Variants in FAM120A observed in about 807,000 individuals in gnomAD.
The protein encoded by FAM120A is constitutive coactivator of PPAR-gamma-like protein 1.
In FAM120A, 15 loss-of-function variants were observed where a neutral mutation model predicts 109.7. The ratio of observed to expected loss-of-function variants is 0.14; its 90% CI spans 0.09 to 0.21. The LOEUF is 0.21. Ranked by LOEUF, FAM120A falls within the 10% of genes least tolerant of loss-of-function variation. The pLI is 1.00. For synonymous variants in FAM120A, 493 were observed against 572.8 expected, an observed-to-expected ratio of 0.86 and a Z score of 1.99; for missense variants, 899 against 1,439.3, an observed-to-expected ratio of 0.62 and a Z score of 6.07.
Position 93,557,942 on chromosome 9 carries a change from C to A in FAM120A, c.2600C>A (p.Pro867His), listed in dbSNP as rs767124058. The change falls in exon 14 of 18, where the codon CCT becomes CAT. Residue 867 changes from proline to histidine, a missense_variant. Pro to His is a moderately conservative substitution (Grantham distance 77). Around this residue, in one of 11 missense-constraint regions of FAM120A, gnomAD observed 129 missense variants for 153.4 expected, o/e 0.84. Transcript: ENST00000277165. ...FPPPPALPFY[P>H]ASAYPRHFGP... ...CCGCCACCTGCCCTGCCCTTCTACC[C>A]TGCCTCTGCGTACCCCCGGCACTTT... 6.2e-7 allele frequency: 1 copy of A among 1,607,888 alleles called. No homozygotes were observed. Among genetic ancestry groups the A allele is most frequent in the African/African-American group, 1.3e-5 (1 of 75,064 alleles).
chr9:93,463,679 A>G (rs10512226), intron 1 of FAM120A, among the ~76,000 whole-genome samples: 9,639 of 152,242 alleles, frequency 0.063, 451 homozygotes, highest in African/African-American at 0.13. Context: ...AGGTGGACCT[A>G]TACGCTCTTA....
At chr9:93,458,104 T>C (rs1857633442) in intron 1 of FAM120A, among the ~76,000 whole-genome samples, 1 of 152,120 alleles carries the variant, frequency 6.6e-6, no homozygotes, top group Admixed American at 6.5e-5. Flanking sequence ...TACATTCTTA[T>C]ATATTATTTA....
chr9:93,457,949 C>G (rs922222904), intron 1 of FAM120A, among the ~76,000 whole-genome samples: 34 of 152,124 alleles, frequency 2.2e-4, no homozygotes, highest in Non-Finnish European at 4.0e-4. Context: ...CCACAATCCT[C>G]TTGGCCACTT....
intron 12 of FAM120A, among the ~76,000 whole-genome samples, chr9:93,554,882 C>T (rs1173349160): frequency 6.6e-6 from 1 of 152,176 alleles, no homozygotes; most frequent in African/African-American, 2.4e-5. Flanking sequence ...GCAGCGGAGC[C>T]CCACCTGACT....
chr9:93,533,266 G>C lies in FAM120A; in HGVS notation c.1909+937G>C, dbSNP rs952465686. 1.7e-4 allele frequency among the ~76,000 whole-genome samples: 26 copies of C among 152,302 alleles called. 1 individual carries two copies. Among genetic ancestry groups the C allele is most frequent in the Admixed American group, 9.1e-4 (14 of 15,308 alleles). ...CAGCACTGACTGTGTGCAGTGCTGA[G>C]CTTTGGAACTTTAACCTAAGTTCAT... On this transcript the variant is annotated intron_variant, in intron 10 of 17. Coordinates refer to ENST00000277165, the MANE Select transcript of FAM120A (RefSeq NM_014612.5).
At chr9:93,490,300 G>A (rs1859257798) in intron 3 of FAM120A, among the ~76,000 whole-genome samples, 1 of 152,156 alleles carries the variant, frequency 6.6e-6, no homozygotes, top group African/African-American at 2.4e-5. Flanking sequence ...GACACTTTGG[G>A]AGCAGTGGCA....
chr9:93,529,231 C>G, intron 8 of FAM120A, 122 bp from the exon 9 acceptor site: 3 of 864,726 alleles, frequency 3.5e-6, no homozygotes, highest in Non-Finnish European at 5.2e-6. Flanking sequence ...TCTGGTCTCT[C>G]TAAGACAGGA....
chr9:93,488,581 G>A (rs1859172206), intron 3 of FAM120A, among the ~76,000 whole-genome samples: 1 of 152,050 alleles, frequency 6.6e-6, no homozygotes, highest in Non-Finnish European at 1.5e-5. Context: ...TCTCCGCCCA[G>A]TCCTCTCTAC....
At chr9:93,559,255 C>A (rs556391431) in intron 15 of FAM120A, among the ~76,000 whole-genome samples, 1 of 152,310 alleles carries the variant, frequency 6.6e-6, no homozygotes, top group Non-Finnish European at 1.5e-5. Flanking sequence ...AGAAAAGGGT[C>A]TTAACATTTA....
chr9:93,516,177 C>A lies in FAM120A; in HGVS notation c.1326C>A (p.Ser442Arg), dbSNP rs149524678. Residue 442 changes from serine to arginine, a missense_variant, in exon 7 of 18, where the codon AGC becomes AGA. Physicochemically the swap from Ser to Arg is moderately radical, Grantham distance 110 (BLOSUM62 -1). Coordinates refer to ENST00000277165, the MANE Select transcript of FAM120A (RefSeq NM_014612.5). ...ERSSPINPAQ[S>R]GSPNHVDSAY... ...CCTCGCCCATCAACCCGGCCCAGAG[C>A]GGCAGCCCCAACCACGTGGATTCCG... The A allele has an allele frequency of 1.2e-6, 2 of 1,614,016 alleles. No individual in the cohort carries two copies. Among genetic ancestry groups the A allele is most frequent in the South Asian group, 2.2e-5 (2 of 91,080 alleles).
At chr9:93,485,698 T>C (rs1396368008) in intron 3 of FAM120A, among the ~76,000 whole-genome samples, 1 of 152,142 alleles carries the variant, frequency 6.6e-6, no homozygotes, top group Non-Finnish European at 1.5e-5. Flanking sequence ...TTGTCCAGGG[T>C]CAACTTCTCT....
intron 1 of FAM120A, among the ~76,000 whole-genome samples, chr9:93,467,172 A>G (rs572263673): frequency 6.8e-6 from 1 of 146,992 alleles, no homozygotes; most frequent in South Asian, 2.1e-4. Context: ...TCTTGTTGCT[A>G]CCACCCCTAG....
intron 3 of FAM120A, among the ~76,000 whole-genome samples, chr9:93,486,505 AT>A (rs1213561051): frequency 1.4e-5 from 2 of 139,016 alleles, no homozygotes; most frequent in Admixed American, 7.0e-5. Context: ...ATGCTTAGAT[AT>A]TTTTTTCTTT....
At position 93,532,059 on chromosome 9, in the gene FAM120A, G is replaced by A; in HGVS notation, c.1735-96G>A. The A allele has an allele frequency of 1.7e-6, 2 of 1,159,476 alleles. No individual in the cohort carries two copies. The highest frequency in any genetic ancestry group is 1.2e-6 in the Non-Finnish European group (1 of 803,616). The allele number at this position is 1,159,476 out of a possible 1,614,324, so 71.8% of individuals were successfully genotyped here. ...AGTTGATTTGGAATGGAATTGCAAT[G>A]TCATTAACTGGAGATAATACAGTAT... is the stretch of plus-strand genomic sequence containing the variant. On this transcript the variant is annotated intron_variant, in intron 9 of 17. Transcript: ENST00000277165. This position sits in a 1 kb window ranked among gnomAD's most constrained non-coding sequence, Gnocchi z 4.3.
At position 93,471,350 on chromosome 9, in the gene FAM120A, G is replaced by A. The variant is rs1202025980; in HGVS notation, c.684G>A (p.Leu228=). 6.2e-7 allele frequency: 1 copy of A among 1,614,196 alleles called. No homozygotes were observed. The highest frequency in any genetic ancestry group is 1.7e-5 in the Admixed American group (1 of 60,024). ...LMHEVAKQLD[L]NPNRFPIFAA... is the part of the protein sequence containing the mutation. Reference sequence around the variant, plus strand: ...ATGAAGTTGCCAAGCAACTGGACCTGAATCCAAATCGTTTTCCTATTTTTG... The same window carrying A: ...ATGAAGTTGCCAAGCAACTGGACCTAAATCCAAATCGTTTTCCTATTTTTG... The change falls in exon 2 of 18, where the codon CTG becomes CTA. Residue 228 remains leucine, a synonymous_variant. Transcript: ENST00000277165.
At chr9:93,527,589 C>G (rs1479579697) in intron 8 of FAM120A, among the ~76,000 whole-genome samples, 1 of 105,282 alleles carries the variant, frequency 9.5e-6, no homozygotes, top group Non-Finnish European at 2.2e-5. Context: ...TTTTCTTTAT[C>G]TTTTTAAAAA....
chr9:93,467,201 T>C (rs1858066841), intron 1 of FAM120A, among the ~76,000 whole-genome samples: 1 of 150,630 alleles, frequency 6.6e-6, no homozygotes. Context: ...CTTTGAACTC[T>C]TTCATTCAGA....
chr9:93,545,779 C>CTTTTTTT (rs1564355502), intron 11 of FAM120A, among the ~76,000 whole-genome samples: 3 of 86,994 alleles, frequency 3.4e-5, no homozygotes, highest in African/African-American at 8.6e-5. Context: ...GGGAAAGACT[C>CTTTTTTT]CTTTTTTTTT....
At chr9:93,493,888 T>G (rs1328043134) in intron 3 of FAM120A, among the ~76,000 whole-genome samples, 2 of 152,212 alleles carry the variant, frequency 1.3e-5, no homozygotes, top group Non-Finnish European at 1.5e-5. Flanking sequence ...CCTGGAGCGC[T>G]CTCTCAGTGG....
Sources: gnomAD v4.1 joint callset for allele counts (sites outside exome capture counted in the v4.1 genomes callset) on GRCh38, gnomAD v4.1.1 for gene constraint, gnomAD v4.1.1 regional missense constraint, Gnocchi (gnomAD v3.1) non-coding constraint, MANE v1.5 for transcripts, NCBI Gene and HGNC (gene_info 2026-07-23, HGNC 2026-07-21) for gene names.